BICC1: variants seen among roughly 807,000 people sequenced by gnomAD.
The protein encoded by BICC1 is BicC family RNA binding protein 1.
Under a neutral mutation model 111.0 loss-of-function variants are expected in BICC1, and 43 were observed. That is an observed-to-expected ratio of 0.39 (90% confidence interval 0.30 to 0.50). The LOEUF (loss-of-function observed/expected upper bound fraction) is 0.50, where lower values mean the gene tolerates loss of function less well. Ranked by LOEUF, BICC1 falls within the 20% of genes least tolerant of loss-of-function variation. The pLI is 0.88. For synonymous variants in BICC1, 467 were observed against 434.4 expected (o/e 1.07, Z -0.93); for missense variants, 1,091 against 1,203.2 (o/e 0.91, Z 1.38).
chr10:58,685,897 T>A (rs532219738), intron 2 of BICC1, among the ~76,000 whole-genome samples: 37 of 152,310 alleles, frequency 2.4e-4, no homozygotes, highest in South Asian at 1.0e-3. Flanking sequence ...GTGATTTTGA[T>A]CCTGTTATTA....
At chr10:58,820,933 C>G (rs1338244830) in intron 20 of BICC1, among the ~76,000 whole-genome samples, 2 of 152,140 alleles carry the variant, frequency 1.3e-5, no homozygotes, top group Admixed American at 1.3e-4. Context: ...CTTAATTCTT[C>G]TTAGTCTTCC....
chr10:58,604,002 A>T (rs1367846152), intron 1 of BICC1, among the ~76,000 whole-genome samples: 4 of 152,158 alleles, frequency 2.6e-5, no homozygotes, highest in East Asian at 3.9e-4. Flanking sequence ...TATTTCTGTT[A>T]TGTGCAAGGG....
chr10:58,735,430 A>G lies in BICC1; in HGVS notation c.307+33287A>G, dbSNP rs1432137715. Among the ~76,000 whole-genome samples the G allele has an allele frequency of 2.0e-5, 3 of 152,242 alleles. No homozygotes were observed. The East Asian group carries it at 5.8e-4, about 29-fold the overall frequency. The stretch of plus-strand genomic sequence containing the variant: ...CGTGCCTTCCAGGATATCTTTAATT[A>G]AACCCTTATATATGCATTTATAACC... On this transcript the variant is annotated intron_variant, in intron 3 of 20. Transcript: ENST00000373886.
At chr10:58,672,691 C>G (rs528393635) in intron 2 of BICC1, among the ~76,000 whole-genome samples, 1 of 152,224 alleles carries the variant, frequency 6.6e-6, no homozygotes, top group Admixed American at 6.5e-5. Flanking sequence ...ATCCTTTCCC[C>G]GGTGGGAAAT....
rs1369136894 is a variant in BICC1, at chr10:58,705,281, C to T, written c.307+3138C>T. On this transcript the variant is annotated intron_variant, in intron 3 of 20. Transcript: ENST00000373886. ...AATATCACTAAGAAGACCATGTGTTCTGAAGGCAAAGGGTGACCACTACTG... is the reference window on the plus strand; with the variant it reads ...AATATCACTAAGAAGACCATGTGTTTTGAAGGCAAAGGGTGACCACTACTG... Among the ~76,000 whole-genome samples, 7 of 152,344 alleles carry T rather than the reference C, an allele frequency of 4.6e-5. No individual in the cohort carries two copies. The South Asian group carries it at 8.3e-4, about 18-fold the overall frequency.
At chr10:58,512,644 G>A (rs559272800), upstream of BICC1, among the ~76,000 whole-genome samples, 49 of 152,212 alleles carry the variant, frequency 3.2e-4, no homozygotes, top group South Asian at 8.9e-3. Context: ...TGTGTTTGAG[G>A]AGCTATGAAA....
At chr10:58,796,548 C>G in intron 10 of BICC1, 22 bp downstream of exon 10, 1 of 1,586,696 alleles carries the variant, frequency 6.3e-7, no homozygotes, top group Non-Finnish European at 8.6e-7. Context: ...ATTATTACAG[C>G]GCGTCTCAGT....
intron 3 of BICC1, among the ~76,000 whole-genome samples, chr10:58,745,805 C>T (rs1841820333): frequency 6.6e-6 from 1 of 152,026 alleles, no homozygotes; most frequent in Non-Finnish European, 1.5e-5. Context: ...AGCTGATTAG[C>T]AACCTTAATT....
chr10:58,765,218 A>T (rs1385242664), intron 3 of BICC1, among the ~76,000 whole-genome samples: 1 of 151,066 alleles, frequency 6.6e-6, no homozygotes, highest in Non-Finnish European at 1.5e-5. Context: ...AGCCTGGCTA[A>T]TTTTTTTTTC....
chr10:58,524,720 TTAAAC>T (rs1339846304), intron 1 of BICC1, among the ~76,000 whole-genome samples: 1 of 151,798 alleles, frequency 6.6e-6, no homozygotes, highest in Non-Finnish European at 1.5e-5. Context: ...TGGGATCTAA[TTAAAC>T]TAAAGAGCTT....
intron 1 of BICC1, among the ~76,000 whole-genome samples, chr10:58,539,598 G>A (rs1397465655): frequency 6.6e-6 from 1 of 151,814 alleles, no homozygotes; most frequent in Non-Finnish European, 1.5e-5. Flanking sequence ...AGGAAGGTAT[G>A]ACAATGATAA....
chr10:58,708,989 T>G (rs1278845525), intron 3 of BICC1, among the ~76,000 whole-genome samples: 1 of 152,182 alleles, frequency 6.6e-6, no homozygotes, highest in Non-Finnish European at 1.5e-5. Flanking sequence ...AGTATTCTCT[T>G]AACTCCTATA....
intron 20 of BICC1, among the ~76,000 whole-genome samples, chr10:58,821,838 C>G (rs1204981938): frequency 1.3e-5 from 2 of 152,042 alleles, no homozygotes; most frequent in South Asian, 4.1e-4. Flanking sequence ...TTCCAAACCT[C>G]TCTTGGCTTT....
intron 9 of BICC1, among the ~76,000 whole-genome samples, chr10:58,794,650 G>A (rs1053343172): frequency 6.6e-6 from 1 of 152,024 alleles, no homozygotes; most frequent in African/African-American, 2.4e-5. Context: ...GAACTCCTGC[G>A]CTCAAGCAAT....
Position 58,648,605 on chromosome 10 carries a change from C to G in BICC1, c.237+27704C>G, listed in dbSNP as rs966663094. Reference sequence around the variant, plus strand: ...AGTGCCTCTCTCTCTCTCTTTCTCTCTCTCTTTCTCTCTTACAGAGACACA... The same window carrying G: ...AGTGCCTCTCTCTCTCTCTTTCTCTGTCTCTTTCTCTCTTACAGAGACACA... On this transcript the variant is annotated intron_variant, in intron 2 of 20. Coordinates refer to ENST00000373886, the MANE Select transcript of BICC1 (RefSeq NM_001080512.3). The G allele has an allele frequency of 3.0e-6, 3 of 984,710 alleles. No individual in the cohort carries two copies. In the African/African-American group the frequency reaches 5.2e-5, roughly 17 times the overall value. 61.0% of individuals were successfully genotyped at this position (984,710 alleles called of 1,614,324 possible). A position where few individuals can be genotyped will look rare whatever the true frequency, so the allele number is the denominator to read the frequency against.
intron 1 of BICC1, among the ~76,000 whole-genome samples, chr10:58,540,304 T>A (rs1331608987): frequency 6.3e-5 from 9 of 142,688 alleles, no homozygotes; most frequent in African/African-American, 1.1e-4. Context: ...AGAAAAAGAG[T>A]AAAAAAAAAA....
At chr10:58,740,638 C>T (rs1417229037) in intron 3 of BICC1, among the ~76,000 whole-genome samples, 1 of 152,082 alleles carries the variant, frequency 6.6e-6, no homozygotes, top group Non-Finnish European at 1.5e-5. Flanking sequence ...ATTTCTACAT[C>T]ACTGTTTAAA....
At chr10:58,754,447 A>G (rs546605805) in intron 3 of BICC1, among the ~76,000 whole-genome samples, 24 of 152,388 alleles carry the variant, frequency 1.6e-4, no homozygotes, top group African/African-American at 5.8e-4. Context: ...AATCAGTTAC[A>G]GAAGATTAAA....
At chr10:58,532,407 C>T (rs1338434223) in intron 1 of BICC1, among the ~76,000 whole-genome samples, 2 of 151,670 alleles carry the variant, frequency 1.3e-5, no homozygotes, top group South Asian at 2.1e-4. Flanking sequence ...TCCAGAGCAA[C>T]ATGTATTCTG....
Sources: gnomAD v4.1 joint callset for allele counts (sites outside exome capture counted in the v4.1 genomes callset) on GRCh38, gnomAD v4.1.1 for gene constraint, MANE v1.5 for transcripts, NCBI Gene and HGNC (gene_info 2026-07-23, HGNC 2026-07-21) for gene names.